The following PPARGC1A variants were observed in gnomAD, a reference collection of about 807,000 sequenced individuals.
The protein encoded by PPARGC1A is PPARG coactivator 1 alpha.
In PPARGC1A, 25 loss-of-function variants were observed where a neutral mutation model predicts 88.7. The ratio of observed to expected loss-of-function variants is 0.28; its 90% CI spans 0.21 to 0.39. The LOEUF (loss-of-function observed/expected upper bound fraction) is 0.39, where lower values mean the gene tolerates loss of function less well. Ranked by LOEUF, PPARGC1A falls within the 10% of genes least tolerant of loss-of-function variation. The probability of loss-of-function intolerance (pLI) is 1.00; values close to 1 mark genes in which losing one functional copy is unlikely to be tolerated. For synonymous variants in PPARGC1A, 363 were observed against 355.6 expected, an observed-to-expected ratio of 1.02 and a Z score of -0.24; for missense variants, 880 against 968.7, an observed-to-expected ratio of 0.91 and a Z score of 1.22.
At chr4:23,804,706 C>T (rs2109366831) in intron 10 of PPARGC1A, among the ~76,000 whole-genome samples, 1 of 152,292 alleles carries the variant, frequency 6.6e-6, no homozygotes, top group East Asian at 1.9e-4. Flanking sequence ...TTTCCAGCCA[C>T]ACTGAGCTTC....
the PPARGC1A span, among the ~76,000 whole-genome samples, chr4:24,441,390 T>C: frequency 6.6e-6 from 1 of 152,238 alleles, no homozygotes; most frequent in Non-Finnish European, 1.5e-5. Flanking sequence ...CGTGGGGTGC[T>C]GCTGGGAGGA....
chr4:23,950,112 C>T, the PPARGC1A span, among the ~76,000 whole-genome samples: 1 of 152,106 alleles, frequency 6.6e-6, no homozygotes, highest in Admixed American at 6.5e-5. Flanking sequence ...GGCAAATTGA[C>T]TCATCATTAG....
At position 23,812,771 on chromosome 4, in the gene PPARGC1A, C is replaced by T; in HGVS notation, c.1995G>A (p.Arg665=). ...CAATTGCCTTCTGCCTCTGCCTCTC[C>T]CTTTGCTTGGCCCTCTCAGACTCTC... ...EKRESERAKQ[R]ERQRQKAIEE... Residue 665 remains arginine, a synonymous_variant, in exon 10 of 13, where the codon AGG becomes AGA. Transcript: ENST00000264867. The T allele has an allele frequency of 6.2e-7, 1 of 1,614,008 alleles. No individual in the cohort carries two copies. The highest frequency in any genetic ancestry group is 8.5e-7 in the Non-Finnish European group (1 of 1,179,974).
At chr4:24,199,742 G>C in the PPARGC1A span, among the ~76,000 whole-genome samples, 2 of 152,172 alleles carry the variant, frequency 1.3e-5, no homozygotes, top group Admixed American at 6.5e-5. Flanking sequence ...TACAGAAGCG[G>C]TCATTCCCCT....
chr4:24,126,815 T>A, the PPARGC1A span, among the ~76,000 whole-genome samples: 1 of 152,226 alleles, frequency 6.6e-6, no homozygotes, highest in African/African-American at 2.4e-5. Flanking sequence ...TTCCAGTGAA[T>A]GAGCCATCAG....
chr4:24,316,312 G>C, the PPARGC1A span, among the ~76,000 whole-genome samples: 2 of 152,178 alleles, frequency 1.3e-5, no homozygotes, highest in African/African-American at 4.8e-5. Context: ...CAGCTCACAA[G>C]CTGCTGGCTC....
chr4:23,954,047 T>A, the PPARGC1A span, among the ~76,000 whole-genome samples: 2 of 152,032 alleles, frequency 1.3e-5, no homozygotes, highest in Non-Finnish European at 2.9e-5. Flanking sequence ...ATTTTTTTTT[T>A]AACTCTGCAT....
the PPARGC1A span, among the ~76,000 whole-genome samples, chr4:24,332,547 G>GAA: frequency 7.2e-5 from 11 of 152,162 alleles, no homozygotes. Context: ...TCTTTACCTT[G>GAA]TGTCTCATTT....
chr4:24,062,780 CT>C, the PPARGC1A span, among the ~76,000 whole-genome samples: 1 of 152,214 alleles, frequency 6.6e-6, no homozygotes, highest in Non-Finnish European at 1.5e-5. Context: ...ATTGACTATA[CT>C]ACCAATTCAA....
At chr4:24,059,581 C>T in the PPARGC1A span, among the ~76,000 whole-genome samples, 1 of 152,210 alleles carries the variant, frequency 6.6e-6, no homozygotes, top group South Asian at 2.1e-4. Context: ...GCTTGACTCT[C>T]CACCCGTGCC....
At chr4:23,914,341 C>A in the PPARGC1A span, among the ~76,000 whole-genome samples, 1 of 152,124 alleles carries the variant, frequency 6.6e-6, no homozygotes, top group Non-Finnish European at 1.5e-5. Context: ...CACATACTGC[C>A]TTTTCAAATA....
the PPARGC1A span, among the ~76,000 whole-genome samples, chr4:24,469,240 T>C: frequency 6.6e-6 from 1 of 152,234 alleles, no homozygotes; most frequent in African/African-American, 2.4e-5. Flanking sequence ...TTGTATTCTT[T>C]TTCTTCTTAG....
chr4:24,329,771 T>C, the PPARGC1A span, among the ~76,000 whole-genome samples: 128 of 152,350 alleles, frequency 8.4e-4, no homozygotes, highest in African/African-American at 2.8e-3. Flanking sequence ...AGTGCAATGC[T>C]GAATATTTCG....
chr4:24,418,461 G>A, the PPARGC1A span, among the ~76,000 whole-genome samples: 2 of 152,086 alleles, frequency 1.3e-5, no homozygotes, highest in African/African-American at 4.8e-5. Context: ...TCCTGGAGAT[G>A]CAATGAGAAG....
chr4:24,389,409 A>G, the PPARGC1A span, among the ~76,000 whole-genome samples: 1 of 152,180 alleles, frequency 6.6e-6, no homozygotes, highest in Admixed American at 6.5e-5. Flanking sequence ...TTCAAGCTCC[A>G]CATTATTAGC....
intron 2 of PPARGC1A, among the ~76,000 whole-genome samples, chr4:23,863,445 G>A (rs1356171537): frequency 6.6e-6 from 1 of 152,018 alleles, no homozygotes; most frequent in Non-Finnish European, 1.5e-5. Flanking sequence ...CATGCTAGAT[G>A]AAATCTCCCC....
chr4:23,928,784 A>C, the PPARGC1A span, among the ~76,000 whole-genome samples: 33 of 142,872 alleles, frequency 2.3e-4, no homozygotes, highest in African/African-American at 7.6e-4. Flanking sequence ...AAAAAACAAC[A>C]AAAAAAAAAA....
At chr4:24,042,226 A>C in the PPARGC1A span, among the ~76,000 whole-genome samples, 1 of 152,200 alleles carries the variant, frequency 6.6e-6, no homozygotes, top group East Asian at 1.9e-4. Context: ...GCCAATATGT[A>C]TTCAGCTGTT....
the PPARGC1A span, among the ~76,000 whole-genome samples, chr4:23,979,777 A>ATTCG: frequency 2.0e-5 from 3 of 152,180 alleles, no homozygotes; most frequent in African/African-American, 7.2e-5. Flanking sequence ...GCCTCTATTC[A>ATTCG]GATAGCCTCA....
Sources: gnomAD v4.1 joint callset for allele counts (sites outside exome capture counted in the v4.1 genomes callset) on GRCh38, gnomAD v4.1.1 for gene constraint, MANE v1.5 for transcripts, NCBI Gene and HGNC (gene_info 2026-07-23, HGNC 2026-07-21) for gene names.